The following WASF2 variants were observed in gnomAD, a reference collection of about 807,000 sequenced individuals.
WASF2 encodes WASP family member 2, also known as actin-binding protein WASF2.
Under a neutral mutation model 45.0 loss-of-function variants are expected in WASF2, and 14 were observed. The ratio of observed to expected loss-of-function variants is 0.31; its 90% CI spans 0.21 to 0.49. The LOEUF (loss-of-function observed/expected upper bound fraction) is 0.49, where lower values mean the gene tolerates loss of function less well. WASF2 is among the 20% of genes least tolerant of loss of function. The pLI, the probability that WASF2 is intolerant of heterozygous loss-of-function variation, is 0.99. For synonymous variants in WASF2, 200 were observed against 236.3 expected (o/e 0.85, Z 1.41); for missense variants, 439 against 636.1 (o/e 0.69, Z 3.33).
At chr1:27,426,874 C>T (rs1327140376) in intron 2 of WASF2, among the ~76,000 whole-genome samples, 1 of 152,112 alleles carries the variant, frequency 6.6e-6, no homozygotes, top group South Asian at 2.1e-4. Flanking sequence ...ACCACCTAAT[C>T]TCATAGGATT....
chr1:27,410,547 C>G lies in WASF2; in HGVS notation c.825-341G>C, dbSNP rs2016749134. Among the ~76,000 whole-genome samples the G allele has an allele frequency of 6.6e-6, 1 of 152,192 alleles. No individual in the cohort carries two copies. The highest frequency in any genetic ancestry group is 1.5e-5 in the Non-Finnish European group (1 of 68,034). On this transcript the variant is annotated intron_variant, in intron 7 of 8. Coordinates refer to ENST00000618852, the MANE Select transcript of WASF2 (RefSeq NM_006990.5). This position sits in a 1 kb window ranked among gnomAD's most constrained non-coding sequence, Gnocchi z 4.2. ...TCTAAGGGGAAGGCACCCTCCCTCC[C>G]CTTCCCTAAGAAGGATGGTCCATGG...
At chr1:27,450,402 A>C (rs147007342) in intron 1 of WASF2, among the ~76,000 whole-genome samples, 42 of 152,314 alleles carry the variant, frequency 2.8e-4, no homozygotes, top group African/African-American at 8.9e-4. Flanking sequence ...TAAGACCCTG[A>C]ATCTCCCAAA....
chr1:27,487,752 T>C (rs1178547236), intron 1 of WASF2, among the ~76,000 whole-genome samples: 1 of 129,868 alleles, frequency 7.7e-6, no homozygotes, highest in Non-Finnish European at 1.6e-5. Context: ...TCATATTATA[T>C]AATGTATATT....
In WASF2 at chr1:27,418,557, C is replaced by T. The variant is rs912438762; in HGVS notation, c.266-135G>A. On this transcript the variant is annotated intron_variant, in intron 3 of 8. Coordinates refer to ENST00000618852, the MANE Select transcript of WASF2 (RefSeq NM_006990.5). ...CCGCAGCCAGGCTTTTTTTTTCCCTCCCCCTCTGGGGAAGCCCCACAAGGC... is the reference window on the plus strand; with the variant it reads ...CCGCAGCCAGGCTTTTTTTTTCCCTTCCCCTCTGGGGAAGCCCCACAAGGC... 6 of 1,249,648 alleles carry T rather than the reference C, an allele frequency of 4.8e-6. No individual in the cohort carries two copies. In the African/African-American group the frequency reaches 9.0e-5, roughly 19 times the overall value. The allele number at this position is 1,249,648 out of a possible 1,614,324, so 77.4% of individuals were successfully genotyped here. A position where few individuals can be genotyped will look rare whatever the true frequency, so the allele number is the denominator to read the frequency against.
At chr1:27,458,075 C>T (rs141344089) in intron 1 of WASF2, among the ~76,000 whole-genome samples, 3,867 of 151,660 alleles carry the variant, frequency 0.025, 166 homozygotes, top group African/African-American at 0.087. Context: ...TTTGGGAGGC[C>T]GAGACAGGCG....
chr1:27,477,433 G>A lies in WASF2; in HGVS notation c.-44+12553C>T, dbSNP rs186983693. On this transcript the variant is annotated intron_variant, in intron 1 of 8. Transcript: ENST00000618852. ...CACATGCCTACAATCCCAGCTACTC[G>A]ATAGGCTGAGGCAGAAGAATCACTT... 5.2e-3 allele frequency among the ~76,000 whole-genome samples: 798 copies of A among 152,224 alleles called. 5 individuals carry two copies. The highest frequency in any genetic ancestry group is 8.6e-3 in the Non-Finnish European group (582 of 68,014).
chr1:27,463,408 G>C (rs967661319), intron 1 of WASF2, among the ~76,000 whole-genome samples: 30 of 151,984 alleles, frequency 2.0e-4, no homozygotes, highest in African/African-American at 5.3e-4. Context: ...GGCGGATCTT[G>C]AGGTCAGGAA....
chr1:27,489,917 T>A (rs988947206), intron 1 of WASF2, 69 bp downstream of exon 1: 1 of 151,404 alleles, frequency 6.6e-6, no homozygotes, highest in Admixed American at 6.6e-5. Context: ...CCTGCACGGC[T>A]CGGGAAGAGC....
At chr1:27,444,155 A>G (rs965410765) in intron 1 of WASF2, among the ~76,000 whole-genome samples, 1 of 152,088 alleles carries the variant, frequency 6.6e-6, no homozygotes, top group Admixed American at 6.5e-5. Context: ...AACGTGACTC[A>G]TGCAGCTTCA....
intron 1 of WASF2, among the ~76,000 whole-genome samples, chr1:27,441,624 G>T (rs1335095893): frequency 2.0e-5 from 3 of 151,648 alleles, no homozygotes; most frequent in Non-Finnish European, 2.9e-5. Context: ...CGTGGTGGCG[G>T]GCGCCTGTAG....
Position 27,415,052 on chromosome 1 carries a change from A to G in WASF2, c.538-89T>C, listed in dbSNP as rs533278686. 1.4e-5 allele frequency: 21 copies of G among 1,495,314 alleles called. No homozygotes were observed. In the South Asian group the frequency reaches 2.3e-4, roughly 16 times the overall value. 92.6% of individuals were successfully genotyped at this position (1,495,314 alleles called of 1,614,324 possible). A position where few individuals can be genotyped will look rare whatever the true frequency, so the allele number is the denominator to read the frequency against. The stretch of plus-strand genomic sequence containing the variant: ...ACCCATCTTCATGGATGCGTATCTA[A>G]GAGATAATCTGCCTAGACAACATAC... On this transcript the variant is annotated intron_variant, in intron 5 of 8. Transcript: ENST00000618852.
At chr1:27,437,455 A>T (rs2017152178) in intron 1 of WASF2, among the ~76,000 whole-genome samples, 5 of 152,194 alleles carry the variant, frequency 3.3e-5, no homozygotes. Flanking sequence ...TGAAACAGAG[A>T]TTTTGTATGC....
chr1:27,422,161 A>G (rs1339847637), intron 2 of WASF2, among the ~76,000 whole-genome samples: 1 of 152,106 alleles, frequency 6.6e-6, no homozygotes, highest in Non-Finnish European at 1.5e-5. Flanking sequence ...GTGGTTTTCA[A>G]GAAAAAATCT....
At position 27,418,441 on chromosome 1, in the gene WASF2, C is replaced by T. The variant is rs369439441; in HGVS notation, c.266-19G>A. On this transcript the variant is annotated intron_variant, in intron 3 of 8. Coordinates refer to ENST00000618852, the MANE Select transcript of WASF2 (RefSeq NM_006990.5). ...AGTGACACTGAGAGAAGATGGAAGG[C>T]GTTAGAAAATGGACGACAGGCTATT... 166 of 1,613,998 alleles carry T rather than the reference C, an allele frequency of 1.0e-4. No individual in the cohort carries two copies. The highest frequency in any genetic ancestry group is 1.4e-4 in the Non-Finnish European group (160 of 1,180,012).
intron 1 of WASF2, among the ~76,000 whole-genome samples, chr1:27,469,348 G>C (rs2017659494): frequency 6.6e-6 from 1 of 152,106 alleles, no homozygotes; most frequent in Non-Finnish European, 1.5e-5. Flanking sequence ...CTTTTCTAAA[G>C]AACGAGATGA....
intron 1 of WASF2, among the ~76,000 whole-genome samples, chr1:27,450,395 G>A (rs1041737320): frequency 6.6e-6 from 1 of 152,122 alleles, no homozygotes; most frequent in Non-Finnish European, 1.5e-5. Flanking sequence ...ATGTTAATAA[G>A]ACCCTGAATC....
At chr1:27,430,763 G>A (rs915470337) in intron 1 of WASF2, among the ~76,000 whole-genome samples, 1 of 149,862 alleles carries the variant, frequency 6.7e-6, no homozygotes, top group Admixed American at 6.7e-5. Flanking sequence ...TTAGCTTTCC[G>A]AATAGCTGGG....
intron 1 of WASF2, among the ~76,000 whole-genome samples, chr1:27,463,400 C>T (rs552064201): frequency 1.8e-4 from 28 of 151,608 alleles, no homozygotes; most frequent in Middle Eastern, 6.8e-3. Flanking sequence ...CTGAGGCAGG[C>T]GGATCTTGAG....
At chr1:27,459,482 C>T (rs1311817462) in intron 1 of WASF2, 2 of 151,970 alleles carry the variant, frequency 1.3e-5, no homozygotes, top group African/African-American at 4.8e-5. Flanking sequence ...ATAAATAAAA[C>T]ATCTATCCTT....
Sources: gnomAD v4.1 joint callset for allele counts (sites outside exome capture counted in the v4.1 genomes callset) on GRCh38, gnomAD v4.1.1 for gene constraint, Gnocchi (gnomAD v3.1) non-coding constraint, MANE v1.5 for transcripts, NCBI Gene and HGNC (gene_info 2026-07-23, HGNC 2026-07-21) for gene names.